Variants in ZNF652 observed in about 807,000 individuals in gnomAD.
ZNF652 encodes the protein zinc finger protein 652.
In ZNF652, 16 loss-of-function variants were observed where a neutral mutation model predicts 45.2. The ratio of observed to expected loss-of-function variants is 0.35; its 90% CI spans 0.24 to 0.54. ZNF652 has a LOEUF of 0.54. Among genes scored for constraint, ZNF652 ranks in the 20% least tolerant of loss-of-function variants. The probability of loss-of-function intolerance (pLI) is 0.91; values close to 1 mark genes in which losing one functional copy is unlikely to be tolerated. For missense variants in ZNF652, 614 were observed against 765.6 expected, an observed-to-expected ratio of 0.80 and a Z score of 2.34; for synonymous variants, 250 against 260.6, an observed-to-expected ratio of 0.96 and a Z score of 0.39.
intron 1 of ZNF652, among the ~76,000 whole-genome samples, chr17:49,339,198 T>TC: frequency 3.3e-5 from 1 of 30,412 alleles, no homozygotes; most frequent in African/African-American, 1.7e-4. Context: ...AGTTAGGAAA[T>TC]TTTTTTTTTT....
At chr17:49,350,487 C>T (rs1049852464) in intron 1 of ZNF652, among the ~76,000 whole-genome samples, 9 of 150,406 alleles carry the variant, frequency 6.0e-5, no homozygotes, top group African/African-American at 2.0e-4. Context: ...GGCAGTGAGC[C>T]GAGATCGCGC....
chr17:49,356,470 C>CA (rs1168441375), intron 1 of ZNF652, among the ~76,000 whole-genome samples: 10 of 79,588 alleles, frequency 1.3e-4, no homozygotes, highest in Non-Finnish European at 1.7e-4. Flanking sequence ...AAAAAAAAAA[C>CA]AAAAAAAACC....
intron 1 of ZNF652, among the ~76,000 whole-genome samples, chr17:49,343,261 C>A (rs142119952): frequency 1.3e-5 from 2 of 152,298 alleles, no homozygotes; most frequent in African/African-American, 4.8e-5. Flanking sequence ...TTCAGTAAAA[C>A]AAAAGTCCCA....
rs1279577850 is a variant in ZNF652 at position 49,298,584 on chromosome 17, C to T, written c.1650G>A (p.Leu550=). 6 of 1,601,536 alleles carry T rather than the reference C, an allele frequency of 3.7e-6. No homozygotes were observed. In the African/African-American group the frequency reaches 8.3e-5, roughly 22 times the overall value. Residue 550 remains leucine (L), a synonymous_variant, in exon 6 of 6, where the codon CTG becomes CTA. Coordinates refer to ENST00000430262, the MANE Select transcript of ZNF652 (RefSeq NM_001145365.3). ...PRPIPHPFSH[L]HIHPHPHHPH... ...GGTGGTGAGGGTGTGGGTGGATGTG[C>T]AGGTGTGAGAAGGGGTGGGGGATGG...
At chr17:49,339,137 G>A (rs888437039) in intron 1 of ZNF652, among the ~76,000 whole-genome samples, 8 of 151,490 alleles carry the variant, frequency 5.3e-5, no homozygotes, top group African/African-American at 1.9e-4. Flanking sequence ...GGAGGGGAAT[G>A]GAAGCTGAGG....
At chr17:49,348,378 T>C (rs1037505020) in intron 1 of ZNF652, among the ~76,000 whole-genome samples, 3 of 151,470 alleles carry the variant, frequency 2.0e-5, no homozygotes, top group Admixed American at 2.0e-4. Context: ...CCCAGCTACT[T>C]GGGAGGCTGA....
At position 49,298,723 on chromosome 17, in the gene ZNF652, A is replaced by ACAG; in HGVS notation, c.1508_1510dup (p.Ala503dup). The ACAG allele has an allele frequency of 6.2e-7, 1 of 1,614,010 alleles. No individual in the cohort carries two copies. Among genetic ancestry groups the ACAG allele is most frequent in the Non-Finnish European group, 8.5e-7 (1 of 1,180,002 alleles). On this transcript the variant is annotated inframe_insertion, in exon 6 of 6. Transcript: ENST00000430262. ...TGGGGAAGTTGTAAGTGGGATCTGG[A>ACAG]CAGCAGGTGGCACATTCACGGGGCT...
At chr17:49,351,810 C>T (rs1332492856) in intron 1 of ZNF652, among the ~76,000 whole-genome samples, 1 of 151,940 alleles carries the variant, frequency 6.6e-6, no homozygotes, top group East Asian at 1.9e-4. Context: ...ATAGTGAGAG[C>T]CCACCTATAC....
chr17:49,332,257 AAAAT>A (rs999692318), intron 1 of ZNF652, among the ~76,000 whole-genome samples: 1 of 152,180 alleles, frequency 6.6e-6, no homozygotes, highest in Non-Finnish European at 1.5e-5. Flanking sequence ...ACATTGCCTC[AAAAT>A]AAATAAATAA....
chr17:49,314,052 C>T lies in ZNF652; in HGVS notation c.901-1207G>A, dbSNP rs191684812. On this transcript the variant is annotated intron_variant, in intron 2 of 5. Coordinates refer to ENST00000430262, the MANE Select transcript of ZNF652 (RefSeq NM_001145365.3). ...AATGCATTTGGAGCATTTATTAATA[C>T]GAATAATTGAAATGTTATATTTCCT... is the stretch of plus-strand genomic sequence containing the variant. 1.1e-3 allele frequency among the ~76,000 whole-genome samples: 143 copies of T among 134,996 alleles called. 1 individual carries two copies. The highest frequency in any genetic ancestry group is 4.9e-3 in the Middle Eastern group (1 of 204). 88.6% of individuals were successfully genotyped at this position (134,996 alleles called of 152,430 possible). A position where few individuals can be genotyped will look rare whatever the true frequency, so the allele number is the denominator to read the frequency against.
At chr17:49,314,179 T>G (rs910108704) in intron 2 of ZNF652, among the ~76,000 whole-genome samples, 6 of 151,984 alleles carry the variant, frequency 3.9e-5, no homozygotes, top group Admixed American at 2.6e-4. Context: ...TTATTTTTTT[T>G]GAGATGGAGT....
chr17:49,327,730 AATATATATATATATATATATAT>A (rs68056731), intron 1 of ZNF652, among the ~76,000 whole-genome samples: 6 of 61,422 alleles, frequency 9.8e-5, no homozygotes, highest in Admixed American at 2.3e-4. Flanking sequence ...TAAATAAATA[AATATATATATATATATATATAT>A]ATATATATAT....
intron 5 of ZNF652, among the ~76,000 whole-genome samples, chr17:49,302,943 T>C (rs2960158): frequency 0.22 from 32,864 of 151,722 alleles, 3,732 homozygotes; most frequent in South Asian, 0.33. Flanking sequence ...GCCTGGGTGA[T>C]AGAGCAAGAC....
At chr17:49,330,375 C>G (rs576991812) in intron 1 of ZNF652, among the ~76,000 whole-genome samples, 1 of 152,328 alleles carries the variant, frequency 6.6e-6, no homozygotes, top group South Asian at 2.1e-4. Flanking sequence ...TCACTGCAAT[C>G]TCTACCTACC....
At chr17:49,330,600 C>T (rs561691378) in intron 1 of ZNF652, among the ~76,000 whole-genome samples, 10 of 152,052 alleles carry the variant, frequency 6.6e-5, no homozygotes, top group African/African-American at 1.9e-4. Context: ...CCACCCGCCT[C>T]GGCCTCCCAA....
rs1366492724 is a variant in ZNF652 at position 49,293,903 on chromosome 17, G to C, written c.*4510C>G. On this transcript the variant is annotated 3_prime_UTR_variant, in exon 6 of 6. Transcript: ENST00000430262. Reference sequence around the variant, plus strand: ...AATATTTATCATGTGGACCAGCAATGCAATAAAAGTTGTCTTTTCTATACA... The same window carrying C: ...AATATTTATCATGTGGACCAGCAATCCAATAAAAGTTGTCTTTTCTATACA... Among the ~76,000 whole-genome samples the C allele has an allele frequency of 6.6e-6, 1 of 152,034 alleles. No individual in the cohort carries two copies. The highest frequency in any genetic ancestry group is 2.4e-5 in the African/African-American group (1 of 41,412).
At chr17:49,337,203 G>A (rs1280636716) in intron 1 of ZNF652, among the ~76,000 whole-genome samples, 2 of 151,590 alleles carry the variant, frequency 1.3e-5, no homozygotes, top group East Asian at 3.9e-4. Context: ...AGGTGTGGTG[G>A]TGCATGCCTA....
chr17:49,346,868 C>A (rs2070210389), intron 1 of ZNF652, among the ~76,000 whole-genome samples: 1 of 152,100 alleles, frequency 6.6e-6, no homozygotes, highest in Non-Finnish European at 1.5e-5. Flanking sequence ...GTACTGAGAA[C>A]ATATTATGGT....
chr17:49,335,829 G>T (rs1397366645), intron 1 of ZNF652, among the ~76,000 whole-genome samples: 1 of 152,138 alleles, frequency 6.6e-6, no homozygotes, highest in Non-Finnish European at 1.5e-5. Flanking sequence ...GAATAGGTAG[G>T]TTTTTCTAAA....
Sources: gnomAD v4.1 joint callset for allele counts (sites outside exome capture counted in the v4.1 genomes callset) on GRCh38, gnomAD v4.1.1 for gene constraint, MANE v1.5 for transcripts, NCBI Gene and HGNC (gene_info 2026-07-23, HGNC 2026-07-21) for gene names.